Variants in KCNH8 observed in about 807,000 individuals in gnomAD.
The protein encoded by KCNH8 is voltage-gated delayed rectifier potassium channel KCNH8.
In KCNH8, 70 loss-of-function variants were observed where a neutral mutation model predicts 103.6. That is an observed-to-expected ratio of 0.68 (90% CI 0.56 to 0.82). KCNH8 has a LOEUF of 0.82. Ranked by LOEUF, KCNH8 falls within the 40% of genes least tolerant of loss-of-function variation. KCNH8 has a pLI of 0.00. For missense variants in KCNH8, 1,217 were observed against 1,329.9 expected, an observed-to-expected ratio of 0.92 and a Z score of 1.32; for synonymous variants, 498 against 489.4, an observed-to-expected ratio of 1.02 and a Z score of -0.23.
intron 5 of KCNH8, among the ~76,000 whole-genome samples, chr3:19,358,395 A>T (rs1287989468): frequency 6.6e-6 from 1 of 151,748 alleles, no homozygotes; most frequent in African/African-American, 2.4e-5. Context: ...ATATTTTCAC[A>T]AAAAATAAAA....
intron 4 of KCNH8, chr3:19,346,502 G>A (rs1033212032): frequency 2.4e-6 from 1 of 413,564 alleles, no homozygotes; most frequent in South Asian, 1.8e-5. Context: ...ATATTAACAG[G>A]AAGTAGAAAC....
At chr3:19,259,251 A>C (rs1043399722) in intron 2 of KCNH8, among the ~76,000 whole-genome samples, 3 of 151,562 alleles carry the variant, frequency 2.0e-5, no homozygotes, top group Admixed American at 1.3e-4. Flanking sequence ...TGTAAGCAAA[A>C]GAAAACTAAG....
intron 1 of KCNH8, among the ~76,000 whole-genome samples, chr3:19,199,395 T>C (rs11917668): frequency 0.041 from 6,272 of 152,006 alleles, 463 homozygotes; most frequent in African/African-American, 0.14. Flanking sequence ...TTTTTAATCA[T>C]GTAACAAAAG....
chr3:19,206,251 A>G (rs2063715734), intron 1 of KCNH8, among the ~76,000 whole-genome samples: 1 of 148,302 alleles, frequency 6.7e-6, no homozygotes, highest in South Asian at 2.1e-4. Context: ...ATTGATATAT[A>G]TAGATATATA....
intron 1 of KCNH8, among the ~76,000 whole-genome samples, chr3:19,220,353 A>G (rs930236148): frequency 6.6e-6 from 1 of 152,254 alleles, no homozygotes; most frequent in Non-Finnish European, 1.5e-5. Context: ...GGCATGGTCC[A>G]TGCCTTTGTT....
At chr3:19,376,000 A>G (rs1312379240) in intron 5 of KCNH8, among the ~76,000 whole-genome samples, 1 of 151,946 alleles carries the variant, frequency 6.6e-6, no homozygotes, top group African/African-American at 2.4e-5. Flanking sequence ...TGCTCTCTTC[A>G]AAGCTGTCAG....
At chr3:19,166,220 A>C (rs1272426254) in intron 1 of KCNH8, among the ~76,000 whole-genome samples, 1 of 152,142 alleles carries the variant, frequency 6.6e-6, no homozygotes, top group African/African-American at 2.4e-5. Flanking sequence ...TTTTTTGTAA[A>C]ATGAGGGTTT....
At chr3:19,149,712 G>C (rs2063110584) in intron 1 of KCNH8, among the ~76,000 whole-genome samples, 1 of 152,108 alleles carries the variant, frequency 6.6e-6, no homozygotes. Flanking sequence ...CTCTCAGTTG[G>C]TTTCACTACG....
At chr3:19,327,193 C>T (rs933383694) in intron 3 of KCNH8, among the ~76,000 whole-genome samples, 4 of 152,162 alleles carry the variant, frequency 2.6e-5, no homozygotes, top group African/African-American at 9.7e-5. Flanking sequence ...ACAGGACCAG[C>T]TCAAATTCAA....
At chr3:19,304,056 A>C (rs1215331750) in intron 3 of KCNH8, among the ~76,000 whole-genome samples, 3 of 152,146 alleles carry the variant, frequency 2.0e-5, no homozygotes, top group Non-Finnish European at 4.4e-5. Context: ...AATAAGCAAA[A>C]GTTTATATCC....
intron 1 of KCNH8, among the ~76,000 whole-genome samples, chr3:19,237,877 A>G (rs2064085971): frequency 6.6e-6 from 1 of 152,244 alleles, no homozygotes; most frequent in Admixed American, 6.5e-5. Flanking sequence ...AAAAAATGCG[A>G]TTAAAGGTCC....
At chr3:19,375,609 C>G (rs1244229959) in intron 5 of KCNH8, among the ~76,000 whole-genome samples, 5 of 152,076 alleles carry the variant, frequency 3.3e-5, no homozygotes, top group Admixed American at 6.5e-5. Flanking sequence ...CTCAGCTCGT[C>G]AAAGTCATTC....
Position 19,456,750 on chromosome 3 carries a change from C to A in KCNH8, c.1826-18C>A. ...CTTGCTTTTTTTTTTTGAAAATGAT[C>A]TCTCTCTCTCTTTCTAGGGAAAGGG... On this transcript the variant is annotated intron_variant, in intron 10 of 15. Coordinates refer to ENST00000328405, the MANE Select transcript of KCNH8 (RefSeq NM_144633.3). 3.6e-6 allele frequency: 5 copies of A among 1,370,048 alleles called. No individual in the cohort carries two copies. The highest frequency in any genetic ancestry group is 5.1e-6 in the Non-Finnish European group (5 of 984,094). 84.9% of individuals were successfully genotyped at this position (1,370,048 alleles called of 1,614,324 possible). A position where few individuals can be genotyped will look rare whatever the true frequency, so the allele number is the denominator to read the frequency against.
intron 5 of KCNH8, among the ~76,000 whole-genome samples, chr3:19,362,186 G>T (rs1037148969): frequency 1.3e-5 from 2 of 152,060 alleles, no homozygotes; most frequent in African/African-American, 4.8e-5. Flanking sequence ...GGGCAAAAAA[G>T]CATACAAATT....
intron 5 of KCNH8, among the ~76,000 whole-genome samples, chr3:19,382,726 T>C (rs1055108670): frequency 1.3e-5 from 2 of 151,900 alleles, no homozygotes; most frequent in Admixed American, 1.3e-4. Context: ...ACCTAGGGAG[T>C]TGGACTCGAA....
At chr3:19,469,722 T>C (rs1187135162) in intron 11 of KCNH8, among the ~76,000 whole-genome samples, 1 of 152,168 alleles carries the variant, frequency 6.6e-6, no homozygotes, top group Non-Finnish European at 1.5e-5. Flanking sequence ...GAGCCTAGTT[T>C]TGTGTTTATG....
intron 5 of KCNH8, among the ~76,000 whole-genome samples, chr3:19,386,730 T>C (rs995720392): frequency 1.3e-5 from 2 of 152,174 alleles, no homozygotes; most frequent in Non-Finnish European, 2.9e-5. Context: ...AAAACATGCT[T>C]CTAAAAATGA....
Position 19,342,696 on chromosome 3 carries a change from C to T in KCNH8, c.552C>T (p.Asn184=). The stretch of plus-strand genomic sequence containing the variant: ...GGCACCTGCAAAGAAGAGAAAAGAA[C>T]AAATTGAAAATAAATAACGTAGGTG... ...ISGHLQRREK[N]KLKINNNVFV... The change falls in exon 4 of 16, where the codon AAC becomes AAT. Residue 184 remains asparagine (N), a synonymous_variant. Coordinates refer to ENST00000328405, the MANE Select transcript of KCNH8 (RefSeq NM_144633.3). 1 of 1,608,394 alleles carries T rather than the reference C, an allele frequency of 6.2e-7. No homozygotes were observed. Among genetic ancestry groups the T allele is most frequent in the Non-Finnish European group, 8.5e-7 (1 of 1,176,126 alleles).
At chr3:19,412,432 A>G (rs1481229678) in intron 7 of KCNH8, among the ~76,000 whole-genome samples, 1 of 152,084 alleles carries the variant, frequency 6.6e-6, no homozygotes, top group Non-Finnish European at 1.5e-5. Context: ...CTCAAACTAT[A>G]ATAATTCTAG....
Sources: allele counts gnomAD v4.1 joint callset (sites outside exome capture counted in the v4.1 genomes callset), GRCh38; gene constraint gnomAD v4.1.1; transcripts MANE v1.5; gene names NCBI Gene and HGNC (gene_info 2026-07-23, HGNC 2026-07-21).